LRRC53: variants seen among roughly 807,000 people sequenced by gnomAD.
The protein encoded by LRRC53 is leucine rich repeat containing 53.
LRRC53 carries 25 observed loss-of-function variants against 13.6 expected under a neutral mutation model. That is an observed-to-expected ratio of 1.83 (90% CI 1.34 to 2.56). The LOEUF (loss-of-function observed/expected upper bound fraction) is 2.56. LRRC53 is among the 30% of genes most tolerant of loss of function. The pLI is 0.00. For synonymous variants in LRRC53, 204 were observed against 109.8 expected (o/e 1.86, Z -5.37); for missense variants, 527 against 275.8 (o/e 1.91, Z -6.45).
chr1:74,526,800 A>C, the LRRC53 span, among the ~76,000 whole-genome samples: 1 of 152,202 alleles, frequency 6.6e-6, no homozygotes, highest in African/African-American at 2.4e-5. Flanking sequence ...CAACACGTAT[A>C]GGACTTATCT....
At chr1:74,518,067 G>A in the LRRC53 span, among the ~76,000 whole-genome samples, 64 of 152,278 alleles carry the variant, frequency 4.2e-4, no homozygotes, top group African/African-American at 1.3e-3. Context: ...GAGATTAATA[G>A]GGCAGCCGTG....
chr1:74,532,938 G>A, the LRRC53 span, among the ~76,000 whole-genome samples: 2 of 152,030 alleles, frequency 1.3e-5, no homozygotes, highest in Non-Finnish European at 2.9e-5. Context: ...AGACTTAAAC[G>A]CTAGACCTAA....
At chr1:74,500,385 A>G (rs1048858304) in intron 1 of LRRC53, among the ~76,000 whole-genome samples, 2 of 151,784 alleles carry the variant, frequency 1.3e-5, no homozygotes, top group Non-Finnish European at 2.9e-5. Context: ...GCGGATCACG[A>G]GGTCAGGAGA....
In LRRC53 at chr1:74,492,102, G is replaced by A. The variant is rs1372831124; in HGVS notation, c.-26-8727C>T. 1 of 1,583,568 alleles carries A rather than the reference G, an allele frequency of 6.3e-7. No individual in the cohort carries two copies. The highest frequency in any genetic ancestry group is 8.6e-7 in the Non-Finnish European group (1 of 1,159,106). ...ATTGCCCCTCCTCCACTCAGCTGAT[G>A]TCTCCTGCATCAAGTAACAGCAGTG... On this transcript the variant is annotated intron_variant, in intron 1 of 4. Coordinates refer to ENST00000294635, the MANE Select transcript of LRRC53 (RefSeq NM_001382280.1).
At chr1:74,528,362 G>C in the LRRC53 span, among the ~76,000 whole-genome samples, 1 of 152,118 alleles carries the variant, frequency 6.6e-6, no homozygotes, top group African/African-American at 2.4e-5. Context: ...AGTGAGGAGC[G>C]GACCCACTTG....
chr1:74,528,544 A>G, the LRRC53 span, among the ~76,000 whole-genome samples: 4 of 152,184 alleles, frequency 2.6e-5, no homozygotes, highest in African/African-American at 9.7e-5. Context: ...TTCAGGGACA[A>G]TGATCAAATA....
chr1:74,525,507 G>C, the LRRC53 span, among the ~76,000 whole-genome samples: 2 of 152,128 alleles, frequency 1.3e-5, no homozygotes, highest in Non-Finnish European at 2.9e-5. Flanking sequence ...GAATCTGAGA[G>C]ATGAGGCTGA....
chr1:74,492,027 C>A, intron 1 of LRRC53: 5 of 1,380,108 alleles, frequency 3.6e-6, no homozygotes, highest in East Asian at 2.5e-5. Context: ...AAGTTAAATC[C>A]ATATTTTATG....
intron 1 of LRRC53, among the ~76,000 whole-genome samples, chr1:74,484,824 G>T (rs1668669816): frequency 6.6e-6 from 1 of 152,128 alleles, no homozygotes; most frequent in South Asian, 2.1e-4. Context: ...ATAGTGAGTG[G>T]CATTACTTGG....
intron 2 of LRRC53, 31 bp from the exon 3 acceptor site, chr1:74,480,999 G>A: frequency 4.4e-6 from 3 of 676,432 alleles, no homozygotes; most frequent in Non-Finnish European, 8.3e-6. Context: ...ACTAGATGCA[G>A]GGTACACATG....
chr1:74,493,698 G>A (rs1669189299), intron 1 of LRRC53, among the ~76,000 whole-genome samples: 1 of 152,108 alleles, frequency 6.6e-6, no homozygotes, highest in Non-Finnish European at 1.5e-5. Flanking sequence ...CTATTCCTTG[G>A]GTCTATCAAC....
At chr1:74,482,675 A>G (rs1668564351) in intron 2 of LRRC53, among the ~76,000 whole-genome samples, 1 of 152,214 alleles carries the variant, frequency 6.6e-6, no homozygotes, top group African/African-American at 2.4e-5. Flanking sequence ...CTTGGATATC[A>G]GGATGTAAAT....
chr1:74,504,587 A>C (rs1364768725), intron 1 of LRRC53, among the ~76,000 whole-genome samples: 1 of 152,210 alleles, frequency 6.6e-6, no homozygotes, highest in East Asian at 1.9e-4. Context: ...ATGGAAAATT[A>C]ATAAAAGTCA....
intron 1 of LRRC53, among the ~76,000 whole-genome samples, chr1:74,486,234 G>GAGAGAGAGAGAGAGAGT (rs1381381282): frequency 1.8e-5 from 1 of 56,262 alleles, no homozygotes; most frequent in African/African-American, 4.2e-5. Flanking sequence ...AGAGAGAGAG[G>GAGAGAGAGAGAGAGAGT]TGGGAAATAT....
At chr1:74,499,219 A>G (rs1234060847) in intron 1 of LRRC53, among the ~76,000 whole-genome samples, 1 of 152,116 alleles carries the variant, frequency 6.6e-6, no homozygotes, top group Non-Finnish European at 1.5e-5. Context: ...TGAACACTTT[A>G]CCTAGAATTT....
the LRRC53 span, among the ~76,000 whole-genome samples, chr1:74,529,899 C>A: frequency 6.6e-6 from 1 of 152,118 alleles, no homozygotes; most frequent in Non-Finnish European, 1.5e-5. Context: ...ATTTTCTCTG[C>A]TTAGGGAGAG....
chr1:74,520,169 G>A, the LRRC53 span, among the ~76,000 whole-genome samples: 419 of 2,050 alleles, frequency 0.2, 4 homozygotes, highest in African/African-American at 0.29. Flanking sequence ...CCCTTTCCCC[G>A]ATTCCACAAA....
At chr1:74,486,706 G>A (rs574688223) in intron 1 of LRRC53, among the ~76,000 whole-genome samples, 1 of 151,974 alleles carries the variant, frequency 6.6e-6, no homozygotes, top group Non-Finnish European at 1.5e-5. Context: ...AAAGGGTAAA[G>A]AGACTCAAAG....
the LRRC53 span, among the ~76,000 whole-genome samples, chr1:74,520,345 T>G: frequency 6.6e-6 from 1 of 152,188 alleles, no homozygotes; most frequent in African/African-American, 2.4e-5. Context: ...CCGACTTTTC[T>G]GAAGAATTTG....
Sources: allele counts gnomAD v4.1 joint callset (sites outside exome capture counted in the v4.1 genomes callset), GRCh38; gene constraint gnomAD v4.1.1; transcripts MANE v1.5; gene names NCBI Gene and HGNC (gene_info 2026-07-23, HGNC 2026-07-21).